THOC1: variants seen among roughly 807,000 people sequenced by gnomAD.
The protein encoded by THOC1 is THO complex subunit 1, also known as THO complex 1.
A neutral mutation model predicts 97.3 loss-of-function variants in THOC1; 29 were observed. That is an observed-to-expected ratio of 0.30 (90% CI 0.22 to 0.41). THOC1 has a LOEUF of 0.41. THOC1 is among the 10% of genes least tolerant of loss of function. THOC1 has a pLI of 1.00. For synonymous variants in THOC1, 255 were observed against 257.0 expected, an observed-to-expected ratio of 0.99 and a Z score of 0.07; for missense variants, 529 against 761.9, an observed-to-expected ratio of 0.69 and a Z score of 3.60.
chr18:259,319 TA>T lies in THOC1; in HGVS notation c.425-45del, dbSNP rs746524586. On this transcript the variant is annotated intron_variant, in intron 6 of 20. Transcript: ENST00000261600. ...GAACGTTACACAGAAAAGATAATTC[TA>T]TGTTTATTACAACCACACCTAAAAG... 70 of 1,472,158 alleles carry T rather than the reference TA, an allele frequency of 4.8e-5. 1 individual carries two copies. The highest frequency in any genetic ancestry group is 3.5e-4 in the East Asian group (15 of 43,232). The allele number at this position is 1,472,158 out of a possible 1,614,324, so 91.2% of individuals were successfully genotyped here.
chr18:267,884 G>C lies in THOC1; in HGVS notation c.54+82C>G, dbSNP rs368555076. 27 of 1,438,826 alleles carry C rather than the reference G, an allele frequency of 1.9e-5. No individual in the cohort carries two copies. The Admixed American group carries it at 5.9e-4, about 31-fold the overall frequency. 89.1% of individuals were successfully genotyped at this position (1,438,826 alleles called of 1,614,324 possible). On this transcript the variant is annotated intron_variant, in intron 1 of 20. Transcript: ENST00000261600. ...CACACCTCTGTCTCACTTTACCCCA[G>C]GGCAAAATTCGAGTAATTTCAGGGA...
chr18:238,039 G>T (rs367849224), intron 11 of THOC1, among the ~76,000 whole-genome samples: 1 of 151,850 alleles, frequency 6.6e-6, no homozygotes, highest in Non-Finnish European at 1.5e-5. Context: ...GATAATTTTT[G>T]TATTTTGTGG....
chr18:235,437 TTTC>T (rs1461722840), intron 11 of THOC1, among the ~76,000 whole-genome samples: 2 of 152,160 alleles, frequency 1.3e-5, no homozygotes, highest in African/African-American at 2.4e-5. Flanking sequence ...TTTGTCACTC[TTTC>T]TTGACATTTT....
rs1450345886 is a variant in THOC1, at chr18:235,083, C to CTT, written c.919-8183_919-8182insAA. Among the ~76,000 whole-genome samples, 5 of 103,072 alleles carry CTT rather than the reference C, an allele frequency of 4.9e-5. No homozygotes were observed. The East Asian group carries it at 7.8e-4, about 16-fold the overall frequency. The allele number at this position is 103,072 out of a possible 152,430, so 67.6% of individuals were successfully genotyped here. A position where few individuals can be genotyped will look rare whatever the true frequency, so the allele number is the denominator to read the frequency against. ...AATGGTTGTTCATTTATTTGGTTTT[C>CTT]TATTTTTTTTTTTTTTTGAGAGTCT... On this transcript the variant is annotated intron_variant, in intron 11 of 20. Transcript: ENST00000261600.
Position 214,759 on chromosome 18 carries a change from T to G in THOC1, c.1841A>C (p.Lys614Thr), listed in dbSNP as rs1402886345. 6.2e-7 allele frequency: 1 copy of G among 1,613,982 alleles called. No homozygotes were observed. Among genetic ancestry groups the G allele is most frequent in the South Asian group, 1.1e-5 (1 of 91,086 alleles). Reference protein sequence around the residue: ...CDSEDMKMRAKQLLVAWQDQE... With the variant: ...CDSEDMKMRATQLLVAWQDQE... Reference sequence around the variant, plus strand: ...ATCTTGCCAGGCAACCAGGAGCTGCTTAGCTCTCATCTTCATGTCTTCACT... The same window carrying G: ...ATCTTGCCAGGCAACCAGGAGCTGCGTAGCTCTCATCTTCATGTCTTCACT... The change falls in exon 21 of 21, where the codon AAG becomes ACG. Residue 614 changes from lysine (K) to threonine (T), a missense_variant. By Grantham distance (78) the Lys-to-Thr change is moderately conservative. Transcript: ENST00000261600.
chr18:233,679 C>A (rs1353163629), intron 11 of THOC1, among the ~76,000 whole-genome samples: 1 of 152,128 alleles, frequency 6.6e-6, no homozygotes, highest in Non-Finnish European at 1.5e-5. Context: ...TTTGGACTTT[C>A]TATTGTTTTA....
Position 254,198 on chromosome 18 carries a change from CA to C in THOC1, c.603+74del, listed in dbSNP as rs1567855259. 4 of 1,018,992 alleles carry C rather than the reference CA, an allele frequency of 3.9e-6. No individual in the cohort carries two copies. The highest frequency in any genetic ancestry group is 1.5e-6 in the Non-Finnish European group (1 of 665,562). 63.1% of individuals were successfully genotyped at this position (1,018,992 alleles called of 1,614,324 possible). A position where few individuals can be genotyped will look rare whatever the true frequency, so the allele number is the denominator to read the frequency against. On this transcript the variant is annotated intron_variant, in intron 8 of 20. Transcript: ENST00000261600. The surrounding 1 kb of genome is among the most constrained non-coding windows in gnomAD (Gnocchi z 4.1). ...AAGTGCTAGGATTACAAGTGTGAGC[CA>C]CTGTGCCTGGACCCACTATCTTAAT...
At chr18:215,300 C>G (rs1910837428) in intron 20 of THOC1, 129 bp downstream of exon 20, 3 of 728,472 alleles carry the variant, frequency 4.1e-6, no homozygotes, top group Non-Finnish European at 7.0e-6. Context: ...AAATTCCTCA[C>G]TATGTCAGAA....
At chr18:253,761 C>T (rs1912351449) in intron 8 of THOC1, among the ~76,000 whole-genome samples, 1 of 152,152 alleles carries the variant, frequency 6.6e-6, no homozygotes, top group Admixed American at 6.5e-5. Context: ...CTACCATGGT[C>T]TACCTTGGAT....
chr18:261,614 A>C (rs1912608310), intron 4 of THOC1, among the ~76,000 whole-genome samples: 1 of 152,212 alleles, frequency 6.6e-6, no homozygotes, highest in African/African-American at 2.4e-5. Flanking sequence ...ACAGCAGAGA[A>C]GCAGTCTAGG....
At chr18:256,074 G>A (rs1912427373) in intron 7 of THOC1, among the ~76,000 whole-genome samples, 2 of 152,154 alleles carry the variant, frequency 1.3e-5, no homozygotes, top group South Asian at 4.1e-4. Context: ...GATGGAGATG[G>A]GCAAGGAAAT....
chr18:214,876 T>C lies in THOC1; in HGVS notation c.1724A>G (p.Glu575Gly), dbSNP rs766121793. The C allele has an allele frequency of 1.9e-6, 3 of 1,613,954 alleles. No homozygotes were observed. Among genetic ancestry groups the C allele is most frequent in the Non-Finnish European group, 2.5e-6 (3 of 1,179,864 alleles). ...RDKPVTGEQI[E>G]VFANKLGEQW... ...TTCACCCAGCTTGTTGGCAAATACC[T>C]CTATTTGTTCTCCTGTTACAGGTTT... is the stretch of plus-strand genomic sequence containing the variant. The change falls in exon 21 of 21, where the codon GAG becomes GGG. Residue 575 changes from glutamate to glycine, a missense_variant. Glu to Gly is a moderately conservative substitution (Grantham distance 98). Around this residue, in one of 8 missense-constraint regions of THOC1, gnomAD observed 98 missense variants for 111.9 expected, o/e 0.88. Coordinates refer to ENST00000261600, the MANE Select transcript of THOC1 (RefSeq NM_005131.3).
At chr18:259,089 C>A in intron 7 of THOC1, 91 bp downstream of exon 7, 1 of 973,300 alleles carries the variant, frequency 1.0e-6, no homozygotes, top group Non-Finnish European at 1.5e-6. Context: ...CTTTTTAGAA[C>A]CATTTTTCTC....
chr18:258,233 C>G (rs548700727), intron 7 of THOC1, among the ~76,000 whole-genome samples: 32 of 151,526 alleles, frequency 2.1e-4, no homozygotes, highest in Middle Eastern at 6.8e-3. Flanking sequence ...GTATCTAGTG[C>G]CAATCTAGAA....
intron 17 of THOC1, among the ~76,000 whole-genome samples, chr18:221,861 G>A (rs1911103181): frequency 6.6e-6 from 1 of 152,042 alleles, no homozygotes; most frequent in Non-Finnish European, 1.5e-5. Context: ...GCCCGCCTTG[G>A]CCTCCCAAAG....
At chr18:265,633 T>G (rs961739600) in intron 1 of THOC1, 103 bp from the exon 2 acceptor site, 2 of 902,176 alleles carry the variant, frequency 2.2e-6, no homozygotes, top group African/African-American at 3.4e-5. Context: ...TAAAAAATGC[T>G]TATACCTGGG....
intron 11 of THOC1, among the ~76,000 whole-genome samples, chr18:230,140 C>T (rs1911434748): frequency 6.6e-6 from 1 of 152,196 alleles, no homozygotes; most frequent in South Asian, 2.1e-4. Flanking sequence ...AAGCTGTTCT[C>T]CAGCATTGGC....
chr18:265,759 G>A (rs1320298202), intron 1 of THOC1, among the ~76,000 whole-genome samples: 1 of 151,422 alleles, frequency 6.6e-6, no homozygotes, highest in Non-Finnish European at 1.5e-5. Flanking sequence ...TTTCATTCTA[G>A]GTGATATTTC....
Position 224,162 on chromosome 18 carries a change from G to C in THOC1, c.1226C>G (p.Pro409Arg). ...TGTTCTCTTCCGAATTATTCTCGTAGGTTTGGTATCTGATGTTCTGTCGTG... is the reference window on the plus strand; with the variant it reads ...TGTTCTCTTCCGAATTATTCTCGTACGTTTGGTATCTGATGTTCTGTCGTG... ...FVKERTSDTK[P>R]TRIIRKRTAP... The change falls in exon 16 of 21, where the codon CCT (proline) becomes CGT (arginine). Residue 409 changes from proline to arginine, a missense_variant. Pro to Arg is a moderately radical substitution (Grantham distance 103). This residue lies in a region of THOC1 where 123 missense variants were observed against 159.0 expected (regional missense o/e 0.77). Coordinates refer to ENST00000261600, the MANE Select transcript of THOC1 (RefSeq NM_005131.3). 5.6e-6 allele frequency: 9 copies of C among 1,609,542 alleles called. No homozygotes were observed. The highest frequency in any genetic ancestry group is 7.6e-6 in the Non-Finnish European group (9 of 1,177,664).
Sources: allele counts gnomAD v4.1 joint callset (sites outside exome capture counted in the v4.1 genomes callset), GRCh38; gene constraint gnomAD v4.1.1; regional missense constraint gnomAD v4.1.1; non-coding constraint Gnocchi (gnomAD v3.1); transcripts MANE v1.5; gene names NCBI Gene and HGNC (gene_info 2026-07-23, HGNC 2026-07-21).